The following TGM6 variants were observed in gnomAD, a reference collection of about 807,000 sequenced individuals.
The protein encoded by TGM6 is protein-glutamine gamma-glutamyltransferase 6.
Under a neutral mutation model 77.5 loss-of-function variants are expected in TGM6, and 74 were observed. The ratio of observed to expected loss-of-function variants is 0.96; its 90% CI spans 0.79 to 1.16. TGM6 has a LOEUF of 1.16. Ranked by LOEUF, TGM6 falls within the 50% of genes most tolerant of loss-of-function variation. The pLI is 0.00. For missense variants in TGM6, 968 were observed against 940.2 expected, an observed-to-expected ratio of 1.03 and a Z score of -0.39; for synonymous variants, 383 against 378.9, an observed-to-expected ratio of 1.01 and a Z score of -0.12.
chr20:2,417,408 C>G lies in TGM6; in HGVS notation c.1513C>G (p.Pro505Ala), dbSNP rs908828915. 1.2e-6 allele frequency: 2 copies of G among 1,613,330 alleles called. No homozygotes were observed. The highest frequency in any genetic ancestry group is 2.7e-5 in the African/African-American group (2 of 74,938). Residue 505 changes from proline to alanine, a missense_variant, in exon 10 of 13, where the codon CCC becomes GCC. Physicochemically the swap from Pro to Ala is conservative, Grantham distance 27 (BLOSUM62 -1). Transcript: ENST00000202625. ...IAGKFKVLEPPMLGHDLRLAL... is the reference protein window; with the variant it reads ...IAGKFKVLEPAMLGHDLRLAL... ...TGGCAAGTTCAAGGTGCTAGAGCCTCCCATGCTGGGCCACGACCTGAGACT... is the reference window on the plus strand; with the variant it reads ...TGGCAAGTTCAAGGTGCTAGAGCCTGCCATGCTGGGCCACGACCTGAGACT...
At chr20:2,419,859 G>A (rs1324450946) in intron 10 of TGM6, among the ~76,000 whole-genome samples, 3 of 152,192 alleles carry the variant, frequency 2.0e-5, no homozygotes, top group Admixed American at 6.5e-5. Context: ...TTTATCTACA[G>A]AGTGTCAGGT....
intron 7 of TGM6, 124 bp downstream of exon 7, chr20:2,400,568 C>T (rs901971086): frequency 4.9e-5 from 71 of 1,445,394 alleles, no homozygotes; most frequent in South Asian, 4.4e-4. Context: ...GAATCTGAGC[C>T]GGCTCTGGAG....
In TGM6 at chr20:2,403,646, G is replaced by A. The variant is rs200872034; in HGVS notation, c.1159G>A (p.Asp387Asn). 2.6e-5 allele frequency: 42 copies of A among 1,614,066 alleles called. No homozygotes were observed. The highest frequency in any genetic ancestry group is 3.2e-5 in the Non-Finnish European group (38 of 1,180,040). Residue 387 changes from aspartate to asparagine, a missense_variant, in exon 9 of 13, where the codon GAT becomes AAT. Coordinates refer to ENST00000202625, the MANE Select transcript of TGM6 (RefSeq NM_198994.3). Reference sequence around the variant, plus strand: ...CGAGGGTGATGTGCACCTGGCTCACGATGGCCCCTTCGTGTTTGCGGAGGT... The same window carrying A: ...CGAGGGTGATGTGCACCTGGCTCACAATGGCCCCTTCGTGTTTGCGGAGGT... ...IREGDVHLAH[D>N]GPFVFAEVNA...
intron 9 of TGM6, among the ~76,000 whole-genome samples, chr20:2,414,696 C>T (rs1382674679): frequency 6.6e-6 from 1 of 152,108 alleles, no homozygotes; most frequent in East Asian, 1.9e-4. Context: ...GTATATCCAT[C>T]CAATGGAATG....
chr20:2,423,939 T>C (rs1233519056), intron 10 of TGM6, among the ~76,000 whole-genome samples: 1 of 152,244 alleles, frequency 6.6e-6, no homozygotes, highest in Non-Finnish European at 1.5e-5. Flanking sequence ...GCATTGTCAA[T>C]GAGCAGTAAT....
At chr20:2,388,411 C>G (rs1423858796) in intron 1 of TGM6, among the ~76,000 whole-genome samples, 1 of 152,118 alleles carries the variant, frequency 6.6e-6, no homozygotes, top group Non-Finnish European at 1.5e-5. Context: ...GATAAAGGCA[C>G]CATAGCCTGG....
At chr20:2,422,949 CAAA>C (rs3050737) in intron 10 of TGM6, among the ~76,000 whole-genome samples, 4 of 113,428 alleles carry the variant, frequency 3.5e-5, no homozygotes, top group Admixed American at 1.8e-4. Context: ...GACTCTTTCT[CAAA>C]AAAAAAAAAA....
At chr20:2,424,831 C>T (rs1203242974) in intron 10 of TGM6, among the ~76,000 whole-genome samples, 3 of 152,258 alleles carry the variant, frequency 2.0e-5, no homozygotes, top group Middle Eastern at 3.4e-3. Flanking sequence ...AACTTGAACA[C>T]CTAGAGGCCA....
intron 9 of TGM6, among the ~76,000 whole-genome samples, chr20:2,409,552 A>G (rs1356024502): frequency 3.9e-5 from 6 of 152,062 alleles, no homozygotes; most frequent in Non-Finnish European, 8.8e-5. Context: ...TCTCTACTAA[A>G]AATACAAAAA....
Position 2,394,638 on chromosome 20 carries a change from G to A in TGM6, c.181+13G>A, listed in dbSNP as rs749559863. The A allele has an allele frequency of 6.2e-6, 10 of 1,603,422 alleles. No individual in the cohort carries two copies. Among genetic ancestry groups the A allele is most frequent in the Non-Finnish European group, 8.5e-6 (10 of 1,175,790 alleles). ...ACGATGGAGACAGGTAACTGGGCTT[G>A]CCAGCACCCTCTTCTCGTCTGCAGC... is the stretch of plus-strand genomic sequence containing the variant. On this transcript the variant is annotated intron_variant, in intron 2 of 12. Coordinates refer to ENST00000202625, the MANE Select transcript of TGM6 (RefSeq NM_198994.3).
intron 10 of TGM6, 26 bp from the exon 11 acceptor site, chr20:2,430,420 A>T: frequency 6.2e-7 from 1 of 1,613,960 alleles, no homozygotes; most frequent in Non-Finnish European, 8.5e-7. Context: ...TCAAGCCCCA[A>T]CTCCCACTTC....
chr20:2,406,196 G>A (rs754187466), intron 9 of TGM6, among the ~76,000 whole-genome samples: 19 of 152,152 alleles, frequency 1.2e-4, no homozygotes, highest in Non-Finnish European at 2.6e-4. Context: ...GGACTATGTG[G>A]TAAGGCCTCT....
chr20:2,390,323 G>C (rs2084622043), intron 1 of TGM6, among the ~76,000 whole-genome samples: 1 of 152,212 alleles, frequency 6.6e-6, no homozygotes, highest in Non-Finnish European at 1.5e-5. Flanking sequence ...ATGTATGTAT[G>C]TTCGCAGGCA....
chr20:2,395,679 T>G lies in TGM6; in HGVS notation c.424+243T>G, dbSNP rs544886331. ...CCCAGGGGTGGGTAAGAGCCAGGAC[T>G]TGGGAATCAGACTGCCTTGGTTTAG... On this transcript the variant is annotated intron_variant, in intron 3 of 12. Coordinates refer to ENST00000202625, the MANE Select transcript of TGM6 (RefSeq NM_198994.3). Among the ~76,000 whole-genome samples, 202 of 152,260 alleles carry G rather than the reference T, an allele frequency of 1.3e-3. 1 individual carries two copies. Among genetic ancestry groups the G allele is most frequent in the African/African-American group, 4.6e-3 (190 of 41,548 alleles).
chr20:2,413,303 G>A (rs2084795637), intron 9 of TGM6, among the ~76,000 whole-genome samples: 1 of 152,162 alleles, frequency 6.6e-6, no homozygotes, highest in Non-Finnish European at 1.5e-5. Flanking sequence ...CAGCTACTCA[G>A]GAGGCTGAGG....
intron 1 of TGM6, among the ~76,000 whole-genome samples, chr20:2,387,065 C>A: frequency 6.6e-6 from 1 of 152,218 alleles, no homozygotes; most frequent in East Asian, 1.9e-4. Flanking sequence ...TGTCCTCAGG[C>A]AAGAAGTCCC....
At chr20:2,427,175 A>G (rs2084893489) in intron 10 of TGM6, among the ~76,000 whole-genome samples, 2 of 152,136 alleles carry the variant, frequency 1.3e-5, no homozygotes, top group Non-Finnish European at 2.9e-5. Flanking sequence ...TCCATTTTTT[A>G]GTAGATATAG....
intron 1 of TGM6, among the ~76,000 whole-genome samples, chr20:2,387,005 A>G (rs2084601000): frequency 6.6e-6 from 1 of 152,196 alleles, no homozygotes; most frequent in Admixed American, 6.5e-5. Context: ...CTGTCCCTAC[A>G]TACATTGCTT....
chr20:2,387,579 A>T (rs2084604567), intron 1 of TGM6, among the ~76,000 whole-genome samples: 1 of 152,224 alleles, frequency 6.6e-6, no homozygotes, highest in Non-Finnish European at 1.5e-5. Context: ...AGTATTTTCC[A>T]TGAATCTCAA....
Sources: gnomAD v4.1 joint callset for allele counts (sites outside exome capture counted in the v4.1 genomes callset) on GRCh38, gnomAD v4.1.1 for gene constraint, MANE v1.5 for transcripts, NCBI Gene and HGNC (gene_info 2026-07-23, HGNC 2026-07-21) for gene names.